VOPP1: variants seen among roughly 807,000 people sequenced by gnomAD.
VOPP1 encodes VOPP1 WW domain binding protein, also known as WW domain binding protein VOPP1.
Under a neutral mutation model 23.5 loss-of-function variants are expected in VOPP1, and 8 were observed. The observed-to-expected ratio is 0.34, with a 90% CI of 0.20 to 0.61. VOPP1 has a LOEUF of 0.61. Among genes scored for constraint, VOPP1 ranks in the 20% least tolerant of loss-of-function variants. VOPP1 has a pLI of 0.78. For synonymous variants in VOPP1, 83 were observed against 97.3 expected (o/e 0.85, Z 0.86); for missense variants, 174 against 238.1 (o/e 0.73, Z 1.77).
intron 1 of VOPP1, among the ~76,000 whole-genome samples, chr7:55,549,087 A>G (rs117129006): frequency 6.6e-6 from 1 of 152,300 alleles, no homozygotes; most frequent in East Asian, 1.9e-4. Context: ...AGTGAAAACA[A>G]CACTCCAAGA....
In VOPP1 at chr7:55,532,456, C is replaced by T. The variant is rs575361764; in HGVS notation, c.55-11326G>A. On this transcript the variant is annotated intron_variant, in intron 1 of 4. Transcript: ENST00000285279. Reference sequence around the variant, plus strand: ...TAAGTCGTTACATTGTGTGCTGTGTCGGTTTATTCTTGAGAATCATGGTCA... The same window carrying T: ...TAAGTCGTTACATTGTGTGCTGTGTTGGTTTATTCTTGAGAATCATGGTCA... 4.6e-5 allele frequency among the ~76,000 whole-genome samples: 7 copies of T among 152,336 alleles called. No individual in the cohort carries two copies. The South Asian group carries it at 1.2e-3, about 27-fold the overall frequency.
chr7:55,566,128 G>C (rs1350736871), intron 1 of VOPP1, among the ~76,000 whole-genome samples: 1 of 152,184 alleles, frequency 6.6e-6, no homozygotes, highest in African/African-American at 2.4e-5. Context: ...GAACCAAAAG[G>C]TGGCCAAAGG....
At chr7:55,523,802 A>G (rs1562954666) in intron 1 of VOPP1, among the ~76,000 whole-genome samples, 2 of 152,376 alleles carry the variant, frequency 1.3e-5, no homozygotes, top group Non-Finnish European at 1.5e-5. Flanking sequence ...CTGTCTCTGT[A>G]AAAGCTAATG....
chr7:55,470,184 C>T (rs148635180), downstream of VOPP1, among the ~76,000 whole-genome samples: 203 of 152,234 alleles, frequency 1.3e-3, 1 homozygote, highest in Non-Finnish European at 2.0e-3. Context: ...GCCTGGGAAA[C>T]GCAGTGAGAC....
chr7:55,439,041 C>T (rs17172482), intron 4 of VOPP1, among the ~76,000 whole-genome samples: 5,372 of 152,182 alleles, frequency 0.035, 302 homozygotes, highest in African/African-American at 0.12. Context: ...CCCGGTTGTA[C>T]GCACATTGAG....
intron 2 of VOPP1, among the ~76,000 whole-genome samples, chr7:55,506,322 C>T (rs1028600344): frequency 2.6e-5 from 4 of 152,220 alleles, no homozygotes; most frequent in African/African-American, 7.2e-5. Flanking sequence ...AAGTCTATTA[C>T]GCAAAAATGT....
chr7:55,458,703 T>C (rs914293674), intron 4 of VOPP1, among the ~76,000 whole-genome samples: 9 of 152,170 alleles, frequency 5.9e-5, no homozygotes, highest in African/African-American at 1.9e-4. Flanking sequence ...TTTTTCATCA[T>C]TGATGCATCA....
At chr7:55,547,593 T>C (rs947022700) in intron 1 of VOPP1, among the ~76,000 whole-genome samples, 1 of 152,164 alleles carries the variant, frequency 6.6e-6, no homozygotes, top group Non-Finnish European at 1.5e-5. Context: ...ATGCAACCCT[T>C]TACTTGACTA....
intron 4 of VOPP1, among the ~76,000 whole-genome samples, chr7:55,444,498 C>T (rs112918285): frequency 2.0e-4 from 30 of 152,066 alleles, no homozygotes; most frequent in African/African-American, 7.2e-4. Context: ...ACCATCACCT[C>T]TACCGCATTG....
chr7:55,507,389 T>A (rs1583960737), intron 2 of VOPP1, among the ~76,000 whole-genome samples: 1 of 151,238 alleles, frequency 6.6e-6, no homozygotes, highest in Non-Finnish European at 1.5e-5. Flanking sequence ...GGGTGGGGGG[T>A]GTTGTTCTGG....
At chr7:55,514,013 C>T (rs1448926741) in intron 2 of VOPP1, among the ~76,000 whole-genome samples, 2 of 152,186 alleles carry the variant, frequency 1.3e-5, no homozygotes, top group African/African-American at 4.8e-5. Context: ...TCTAAGGAGC[C>T]ACAAGATCTG....
At chr7:55,499,088 A>G (rs773595964) in intron 2 of VOPP1, among the ~76,000 whole-genome samples, 21 of 151,850 alleles carry the variant, frequency 1.4e-4, no homozygotes, top group South Asian at 2.1e-4. Context: ...CCAGTACCCA[A>G]AGTGTTGTGA....
intron 4 of VOPP1, among the ~76,000 whole-genome samples, chr7:55,437,881 A>T (rs1790869687): frequency 6.8e-6 from 1 of 148,090 alleles, no homozygotes; most frequent in African/African-American, 2.5e-5. Context: ...TATCTTTTAT[A>T]TAGTATCCTG....
chr7:55,570,180 C>A (rs1311271778), intron 1 of VOPP1, among the ~76,000 whole-genome samples: 1 of 152,130 alleles, frequency 6.6e-6, no homozygotes, highest in Non-Finnish European at 1.5e-5. Flanking sequence ...AGGTATTCAT[C>A]AGAGCACCCC....
intron 4 of VOPP1, among the ~76,000 whole-genome samples, chr7:55,479,574 T>C (rs1792548686): frequency 6.6e-6 from 1 of 152,234 alleles, no homozygotes; most frequent in Non-Finnish European, 1.5e-5. Flanking sequence ...AATAGTTTTG[T>C]TTCTCCTTCC....
At chr7:55,447,478 A>G (rs1159933218) in intron 4 of VOPP1, among the ~76,000 whole-genome samples, 1 of 152,196 alleles carries the variant, frequency 6.6e-6, no homozygotes, top group African/African-American at 2.4e-5. Flanking sequence ...CTCAAAGGAC[A>G]GGGGAGAGAC....
At chr7:55,463,385 T>G (rs1347729074) in intron 4 of VOPP1, among the ~76,000 whole-genome samples, 1 of 152,264 alleles carries the variant, frequency 6.6e-6, no homozygotes, top group African/African-American at 2.4e-5. Flanking sequence ...TTTGTGCATC[T>G]GGTGTAACTG....
At chr7:55,436,423 G>GT (rs1485376454) in intron 4 of VOPP1, among the ~76,000 whole-genome samples, 2 of 152,186 alleles carry the variant, frequency 1.3e-5, no homozygotes, top group African/African-American at 4.8e-5. Flanking sequence ...TCTAGTCCGT[G>GT]TAAGTGCTCT....
At chr7:55,467,392 C>G (rs149718124), downstream of VOPP1, among the ~76,000 whole-genome samples, 80 of 152,332 alleles carry the variant, frequency 5.3e-4, 1 homozygote, top group African/African-American at 1.9e-3. Flanking sequence ...TCAATCTCCC[C>G]GGTCCCTACC....
Sources: gnomAD v4.1 joint callset for allele counts (sites outside exome capture counted in the v4.1 genomes callset) on GRCh38, gnomAD v4.1.1 for gene constraint, MANE v1.5 for transcripts, NCBI Gene and HGNC (gene_info 2026-07-23, HGNC 2026-07-21) for gene names.